PITPNC1: variants seen among roughly 807,000 people sequenced by gnomAD.
PITPNC1 encodes cytoplasmic phosphatidylinositol transfer protein 1.
PITPNC1 carries 18 observed loss-of-function variants against 44.7 expected under a neutral mutation model. The ratio of observed to expected loss-of-function variants is 0.40; its 90% CI spans 0.28 to 0.60. The LOEUF (loss-of-function observed/expected upper bound fraction) is 0.60, where lower values mean the gene tolerates loss of function less well. Ranked by LOEUF, PITPNC1 falls within the 20% of genes least tolerant of loss-of-function variation. PITPNC1 has a pLI of 0.39. For missense variants in PITPNC1, 290 were observed against 418.4 expected, an observed-to-expected ratio of 0.69 and a Z score of 2.68; for synonymous variants, 141 against 149.6, an observed-to-expected ratio of 0.94 and a Z score of 0.42.
At chr17:67,564,932 G>A (rs950449145) in intron 4 of PITPNC1, among the ~76,000 whole-genome samples, 6 of 150,810 alleles carry the variant, frequency 4.0e-5, no homozygotes, top group East Asian at 1.9e-4. Context: ...CATGTTTTTC[G>A]GTGGGTATAC....
rs1437143018 is a variant in PITPNC1 at position 67,627,966 on chromosome 17, G to A, written c.367-4177G>A. On this transcript the variant is annotated intron_variant, in intron 5 of 8. Coordinates refer to ENST00000581322, the MANE Select transcript of PITPNC1 (RefSeq NM_012417.4). Reference sequence around the variant, plus strand: ...TTTTGAGATGGCGTCTCACTGTGTCGCCCAGGCTGGAGTGCAGTGGCACAA... The same window carrying A: ...TTTTGAGATGGCGTCTCACTGTGTCACCCAGGCTGGAGTGCAGTGGCACAA... 2.9e-5 allele frequency among the ~76,000 whole-genome samples: 4 copies of A among 136,898 alleles called. 1 individual carries two copies. In the South Asian group the frequency reaches 6.8e-4, roughly 23 times the overall value. The allele number at this position is 136,898 out of a possible 152,430, so 89.8% of individuals were successfully genotyped here. A position where few individuals can be genotyped will look rare whatever the true frequency, so the allele number is the denominator to read the frequency against.
intron 1 of PITPNC1, among the ~76,000 whole-genome samples, chr17:67,495,514 C>G (rs1371274383): frequency 6.6e-6 from 1 of 152,148 alleles, no homozygotes; most frequent in Middle Eastern, 3.2e-3. Flanking sequence ...GATACGTTTT[C>G]TGATCCTCTC....
At chr17:67,446,557 C>T (rs989756251) in intron 1 of PITPNC1, among the ~76,000 whole-genome samples, 44 of 149,272 alleles carry the variant, frequency 2.9e-4, no homozygotes, top group African/African-American at 1.1e-3. Flanking sequence ...AGAAATAGAA[C>T]AGAGTGAGCC....
intron 6 of PITPNC1, among the ~76,000 whole-genome samples, chr17:67,660,140 G>A (rs368307152): frequency 2.6e-5 from 4 of 152,180 alleles, no homozygotes; most frequent in African/African-American, 4.8e-5. Context: ...CCTAGACCTC[G>A]CAAAAGTGCT....
chr17:67,441,815 A>G (rs996718592), intron 1 of PITPNC1, among the ~76,000 whole-genome samples: 11 of 152,204 alleles, frequency 7.2e-5, no homozygotes, highest in Admixed American at 7.2e-4. Context: ...GAGAGGCTGT[A>G]TGAAGTAGGA....
At chr17:67,688,245 G>A in intron 8 of PITPNC1, among the ~76,000 whole-genome samples, 1 of 150,062 alleles carries the variant, frequency 6.7e-6, no homozygotes. Flanking sequence ...GGCTAAGGCA[G>A]GAGAATTGCT....
At position 67,380,970 on chromosome 17, in the gene PITPNC1, G is replaced by A. The variant is rs373824062; in HGVS notation, c.48+2768G>A. 3.9e-5 allele frequency among the ~76,000 whole-genome samples: 6 copies of A among 151,996 alleles called. No homozygotes were observed. The South Asian group carries it at 1.0e-3, about 26-fold the overall frequency. On this transcript the variant is annotated intron_variant, in intron 1 of 8. Transcript: ENST00000581322. ...TTACTTTTTGTAGAGACAGGGACTC[G>A]CTGTGTTGCCCAGGCTGGTCTTGAA...
At chr17:67,617,750 A>G (rs1367558931) in intron 5 of PITPNC1, among the ~76,000 whole-genome samples, 1 of 152,052 alleles carries the variant, frequency 6.6e-6, no homozygotes. Context: ...CTGTCTTTAC[A>G]TGACTTTCAT....
rs1598867188 is a variant in PITPNC1 at position 67,597,356 on chromosome 17, C to G, written c.366+19099C>G. Reference sequence around the variant, plus strand: ...CTTACTTGAAGTCAGGAATTCGAGACCAGCCTGGCCAACATGGCAAAACCC... The same window carrying G: ...CTTACTTGAAGTCAGGAATTCGAGAGCAGCCTGGCCAACATGGCAAAACCC... On this transcript the variant is annotated intron_variant, in intron 5 of 8. Transcript: ENST00000581322. The surrounding 1 kb of genome is among the most constrained non-coding windows in gnomAD (Gnocchi z 4.0). Among the ~76,000 whole-genome samples, 1 of 152,050 alleles carries G rather than the reference C, an allele frequency of 6.6e-6. No individual in the cohort carries two copies. Among genetic ancestry groups the G allele is most frequent in the African/African-American group, 2.4e-5 (1 of 41,426 alleles).
chr17:67,627,227 CG>C (rs2041907233), intron 5 of PITPNC1, among the ~76,000 whole-genome samples: 1 of 152,118 alleles, frequency 6.6e-6, no homozygotes, highest in Non-Finnish European at 1.5e-5. Flanking sequence ...CACTCCAGCC[CG>C]GGGGACAAGA....
intron 1 of PITPNC1, among the ~76,000 whole-genome samples, chr17:67,382,035 C>T (rs1156906110): frequency 6.6e-6 from 1 of 152,124 alleles, no homozygotes; most frequent in Non-Finnish European, 1.5e-5. Flanking sequence ...AATAGCCAAG[C>T]CAGAAGGAGA....
intron 1 of PITPNC1, among the ~76,000 whole-genome samples, chr17:67,424,131 A>G (rs1398514226): frequency 6.6e-6 from 1 of 151,306 alleles, no homozygotes; most frequent in East Asian, 1.9e-4. Context: ...GAGGAGCTCA[A>G]GAATAAAAGT....
chr17:67,414,578 G>T (rs542934526), intron 1 of PITPNC1, among the ~76,000 whole-genome samples: 2 of 152,176 alleles, frequency 1.3e-5, no homozygotes, highest in East Asian at 3.9e-4. Context: ...AGGTTTTATT[G>T]GAACACGGGC....
chr17:67,647,463 G>GTTTTTT lies in PITPNC1; in HGVS notation c.462+15225_462+15226insTTTTTT, dbSNP rs1567757487. On this transcript the variant is annotated intron_variant, in intron 6 of 8. Transcript: ENST00000581322. ...ACACCATCACACCCAGCTAATTTTG[G>GTTTTTT]GTTTTTTTTTTTTTTTTTTTTTTTT... 3.4e-3 allele frequency among the ~76,000 whole-genome samples: 310 copies of GTTTTTT among 90,552 alleles called. 26 individuals carry two copies. Among genetic ancestry groups the GTTTTTT allele is most frequent in the African/African-American group, 0.015 (299 of 19,888 alleles). 59.4% of individuals were successfully genotyped at this position (90,552 alleles called of 152,430 possible).
chr17:67,562,340 G>C (rs548434876), intron 4 of PITPNC1, among the ~76,000 whole-genome samples: 1 of 152,070 alleles, frequency 6.6e-6, no homozygotes, highest in Admixed American at 6.5e-5. Context: ...GCTGTTTTCC[G>C]GCTGTGTTTC....
intron 2 of PITPNC1, among the ~76,000 whole-genome samples, chr17:67,534,498 C>G (rs1285030349): frequency 1.3e-5 from 2 of 151,726 alleles, no homozygotes; most frequent in African/African-American, 4.8e-5. Flanking sequence ...ATTAGCTGGG[C>G]ATGGTGGTGC....
chr17:67,568,240 C>T (rs2041007215), intron 4 of PITPNC1, among the ~76,000 whole-genome samples: 1 of 152,044 alleles, frequency 6.6e-6, no homozygotes, highest in African/African-American at 2.4e-5. Flanking sequence ...GGAAAGAAGC[C>T]AGGAACAAAA....
At chr17:67,435,299 G>C (rs1421588804) in intron 1 of PITPNC1, among the ~76,000 whole-genome samples, 2 of 152,154 alleles carry the variant, frequency 1.3e-5, no homozygotes, top group Non-Finnish European at 2.9e-5. Flanking sequence ...CTGGGCCCCA[G>C]AAGTGTTAGT....
chr17:67,525,153 A>C (rs952111626), intron 1 of PITPNC1: 2 of 152,200 alleles, frequency 1.3e-5, no homozygotes, highest in Non-Finnish European at 2.9e-5. Context: ...CAATCCCTCT[A>C]TTCCATGGGC....
Sources: allele counts gnomAD v4.1 joint callset (sites outside exome capture counted in the v4.1 genomes callset), GRCh38; gene constraint gnomAD v4.1.1; non-coding constraint Gnocchi (gnomAD v3.1); transcripts MANE v1.5; gene names NCBI Gene and HGNC (gene_info 2026-07-23, HGNC 2026-07-21).